CHD7: variants seen among roughly 807,000 people sequenced by gnomAD.
The protein encoded by CHD7 is ATP-dependent chromatin remodeler CHD7.
CHD7 carries 24 observed loss-of-function variants against 307.3 expected under a neutral mutation model. The ratio of observed to expected loss-of-function variants is 0.08; its 90% CI spans 0.06 to 0.11. CHD7 has a LOEUF of 0.11. Among genes scored for constraint, CHD7 ranks in the 10% least tolerant of loss-of-function variants. The probability of loss-of-function intolerance (pLI) is 1.00; values close to 1 mark genes in which losing one functional copy is unlikely to be tolerated. For missense variants in CHD7, 3,106 were observed against 3,727.1 expected, an observed-to-expected ratio of 0.83 and a Z score of 4.34; for synonymous variants, 1,363 against 1,349.9, an observed-to-expected ratio of 1.01 and a Z score of -0.21.
intron 12 of CHD7, among the ~76,000 whole-genome samples, chr8:60,823,438 GATGT>G (rs1446919753): frequency 6.9e-6 from 1 of 145,614 alleles, no homozygotes; most frequent in African/African-American, 2.5e-5. Flanking sequence ...TAGATAGATA[GATGT>G]GTGTGTGCAT....
At chr8:60,732,866 C>G (rs565498788) in intron 1 of CHD7, among the ~76,000 whole-genome samples, 73 of 152,152 alleles carry the variant, frequency 4.8e-4, no homozygotes, top group Middle Eastern at 3.4e-3. Flanking sequence ...AAAAAGTTTT[C>G]ATTTACTTAT....
intron 17 of CHD7, among the ~76,000 whole-genome samples, 170 bp from the exon 18 acceptor site, chr8:60,837,498 T>C (rs1804791569): frequency 6.6e-6 from 1 of 152,204 alleles, no homozygotes; most frequent in Non-Finnish European, 1.5e-5. Flanking sequence ...CCTCTTTATA[T>C]GAGCAGTAAT....
At chr8:60,710,403 AT>A (rs1263837752) in intron 1 of CHD7, among the ~76,000 whole-genome samples, 2 of 152,152 alleles carry the variant, frequency 1.3e-5, no homozygotes, top group East Asian at 3.9e-4. Flanking sequence ...AAGACACCCC[AT>A]TTAGCTTTGT....
rs369023995 is a variant in CHD7 at position 60,852,701 on chromosome 8, A to G, written c.6098A>G (p.Asp2033Gly). 41 of 1,613,842 alleles carry G rather than the reference A, an allele frequency of 2.5e-5. No individual in the cohort carries two copies. Among genetic ancestry groups the G allele is most frequent in the Non-Finnish European group, 3.2e-5 (38 of 1,179,846 alleles). The change falls in exon 30 of 38, where the codon GAT (aspartate) becomes GGT (glycine). Residue 2033 changes from aspartate (D) to glycine (G), a missense_variant. Around this residue, in one of 10 missense-constraint regions of CHD7, gnomAD observed 1,030 missense variants for 1,165.4 expected, o/e 0.88. Transcript: ENST00000423902. Reference sequence around the variant, plus strand: ...GTATGTCGAATGCCCGTCAAGCCAGATGATGGTAGGTACATTTAGCAACAA... The same window carrying G: ...GTATGTCGAATGCCCGTCAAGCCAGGTGATGGTAGGTACATTTAGCAACAA... ...RRVCRMPVKP[D>G]DEPPDLSSII...
chr8:60,858,679 C>T (rs917208670), intron 34 of CHD7, among the ~76,000 whole-genome samples: 16 of 152,344 alleles, frequency 1.1e-4, no homozygotes, highest in Middle Eastern at 3.4e-3. Context: ...GCAGTCTCGG[C>T]TCAGTGCAGC....
intron 19 of CHD7, among the ~76,000 whole-genome samples, chr8:60,840,452 T>C (rs1190162418): frequency 6.6e-6 from 1 of 152,206 alleles, no homozygotes; most frequent in Non-Finnish European, 1.5e-5. Flanking sequence ...TGGCTTCCGC[T>C]TCTTTCATAT....
At chr8:60,680,737 G>A (rs1354702154) in intron 1 of CHD7, among the ~76,000 whole-genome samples, 1 of 152,184 alleles carries the variant, frequency 6.6e-6, no homozygotes, top group Non-Finnish European at 1.5e-5. Flanking sequence ...ATGGACAAAA[G>A]AAAAGTAGCA....
Position 60,741,899 on chromosome 8 carries a change from T to A in CHD7, c.467T>A (p.Ile156Lys). The A allele has an allele frequency of 5.0e-6, 8 of 1,613,234 alleles. No homozygotes were observed. Among genetic ancestry groups the A allele is most frequent in the Non-Finnish European group, 5.9e-6 (7 of 1,179,624 alleles). Residue 156 changes from isoleucine to lysine, a missense_variant, in exon 2 of 38, where the codon ATA (isoleucine) becomes AAA (lysine). Coordinates refer to ENST00000423902, the MANE Select transcript of CHD7 (RefSeq NM_017780.4). ...AGGGCTGTTCAGGTACCAGACCAGATACGAGCCCCCTACCAGCAGCAGCAG... is the reference window on the plus strand; with the variant it reads ...AGGGCTGTTCAGGTACCAGACCAGAAACGAGCCCCCTACCAGCAGCAGCAG... ...GPRAVQVPDQ[I>K]RAPYQQQQPQ...
chr8:60,764,204 T>C (rs947106981), intron 2 of CHD7, among the ~76,000 whole-genome samples: 28 of 152,082 alleles, frequency 1.8e-4, no homozygotes, highest in African/African-American at 6.8e-4. Context: ...TTAGCCAGGG[T>C]GGTCTCAATC....
At chr8:60,827,908 G>A (rs1357585934) in intron 13 of CHD7, among the ~76,000 whole-genome samples, 1 of 151,998 alleles carries the variant, frequency 6.6e-6, no homozygotes, top group East Asian at 1.9e-4. Flanking sequence ...AATGGCCAAA[G>A]TAGAAAATAA....
chr8:60,825,657 T>C (rs950694727), intron 13 of CHD7, among the ~76,000 whole-genome samples: 1 of 152,260 alleles, frequency 6.6e-6, no homozygotes, highest in Non-Finnish European at 1.5e-5. Context: ...AGTTTTCTAC[T>C]AAGAGACAGT....
intron 3 of CHD7, among the ~76,000 whole-genome samples, chr8:60,786,424 G>A (rs77860214): frequency 0.016 from 2,501 of 152,282 alleles, 62 homozygotes; most frequent in African/African-American, 0.057. Flanking sequence ...CCAGATGCAG[G>A]GTGGGCTACA....
intron 8 of CHD7, among the ~76,000 whole-genome samples, 178 bp downstream of exon 8, chr8:60,816,679 G>A (rs1020815319): frequency 6.6e-6 from 1 of 152,218 alleles, no homozygotes; most frequent in Non-Finnish European, 1.5e-5. Context: ...CATTCTTCCT[G>A]TTGCTTAGGC....
At chr8:60,808,868 T>C (rs1812658981) in intron 7 of CHD7, 1 of 152,306 alleles carries the variant, frequency 6.6e-6, no homozygotes, top group African/African-American at 2.4e-5. Context: ...TGTGATGAGC[T>C]AGGATGTTTT....
Position 60,741,938 on chromosome 8 carries a change from C to T in CHD7, c.506C>T (p.Pro169Leu). ...PYQQQQPQPQ[P>L]PQPAPSGPPA... ...CAGCAGCAGCAGCCACAGCCGCAGC[C>T]ACCGCAGCCGGCTCCGTCGGGGCCC... The change falls in exon 2 of 38, where the codon CCA becomes CTA. Residue 169 changes from proline to leucine, a missense_variant. Physicochemically the swap from Pro to Leu is moderately conservative, Grantham distance 98. Around this residue, in one of 10 missense-constraint regions of CHD7, gnomAD observed 998 missense variants for 1,004.5 expected, o/e 0.99. Coordinates refer to ENST00000423902, the MANE Select transcript of CHD7 (RefSeq NM_017780.4). 6.2e-7 allele frequency: 1 copy of T among 1,613,388 alleles called. No individual in the cohort carries two copies. Among genetic ancestry groups the T allele is most frequent in the South Asian group, 1.1e-5 (1 of 91,036 alleles).
chr8:60,751,778 G>A (rs773278827), intron 2 of CHD7, among the ~76,000 whole-genome samples: 6 of 152,326 alleles, frequency 3.9e-5, no homozygotes, highest in African/African-American at 7.2e-5. Flanking sequence ...GAGTGGTGGA[G>A]GGCTAGGACA....
At position 60,852,580 on chromosome 8, in the gene CHD7, G is replaced by T. The variant is rs776329773; in HGVS notation, c.5977G>T (p.Asp1993Tyr). Reference protein sequence around the residue: ...VIFDPVKQQFDWNQFRAFARL... With the variant: ...VIFDPVKQQFYWNQFRAFARL... ...TTTTGACCCTGTGAAACAGCAATTT[G>T]ACTGGAACCAATTTAGAGCCTTTGC... The change falls in exon 30 of 38, where the codon GAC becomes TAC. Residue 1993 changes from aspartate (D) to tyrosine (Y), a missense_variant. Asp to Tyr is a radical substitution (Grantham distance 160, BLOSUM62 -3). Coordinates refer to ENST00000423902, the MANE Select transcript of CHD7 (RefSeq NM_017780.4). The T allele has an allele frequency of 1.2e-6, 2 of 1,613,914 alleles. No homozygotes were observed. Among genetic ancestry groups the T allele is most frequent in the Non-Finnish European group, 1.7e-6 (2 of 1,179,872 alleles).
chr8:60,780,499 T>C (rs931395831), intron 2 of CHD7, among the ~76,000 whole-genome samples: 1 of 152,240 alleles, frequency 6.6e-6, no homozygotes, highest in Admixed American at 6.5e-5. Flanking sequence ...TGTATTAGAT[T>C]TATGTGTTAT....
chr8:60,820,272 A>ATATTTTTT (rs761459812), intron 9 of CHD7, among the ~76,000 whole-genome samples, 182 bp downstream of exon 9: 54 of 152,344 alleles, frequency 3.5e-4, no homozygotes, highest in Non-Finnish European at 6.0e-4. Context: ...ATAGTGCTAA[A>ATATTTTTT]TATGTTTTAT....
Sources: allele counts gnomAD v4.1 joint callset (sites outside exome capture counted in the v4.1 genomes callset), GRCh38; gene constraint gnomAD v4.1.1; regional missense constraint gnomAD v4.1.1; transcripts MANE v1.5; gene names NCBI Gene and HGNC (gene_info 2026-07-23, HGNC 2026-07-21).